The following CNTN4 variants were observed in gnomAD, a reference collection of about 807,000 sequenced individuals.
CNTN4 encodes the protein contactin 4.
CNTN4 carries 77 observed loss-of-function variants against 122.5 expected under a neutral mutation model. The ratio of observed to expected loss-of-function variants is 0.63; its 90% CI spans 0.52 to 0.76. The LOEUF is 0.76. Among genes scored for constraint, CNTN4 ranks in the 30% least tolerant of loss-of-function variants. CNTN4 has a pLI of 0.00. For missense variants in CNTN4, 1,256 were observed against 1,259.1 expected (o/e 1.00, Z 0.04); for synonymous variants, 512 against 447.0 (o/e 1.15, Z -1.83).
At chr3:2,982,921 AT>A (rs1694163331) in intron 13 of CNTN4, among the ~76,000 whole-genome samples, 1 of 151,962 alleles carries the variant, frequency 6.6e-6, no homozygotes, top group Non-Finnish European at 1.5e-5. Flanking sequence ...ACTAAAAAAA[AT>A]AGCACAAAGC....
chr3:2,583,030 A>C (rs2080017209), intron 4 of CNTN4, among the ~76,000 whole-genome samples: 2 of 152,324 alleles, frequency 1.3e-5, no homozygotes, highest in South Asian at 4.1e-4. Flanking sequence ...AAGAGACAAA[A>C]ATCAATCTAA....
chr3:2,292,908 C>T lies in CNTN4; in HGVS notation c.-144-46270C>T, dbSNP rs553552382. On this transcript the variant is annotated intron_variant, in intron 2 of 24. Transcript: ENST00000418658. The stretch of plus-strand genomic sequence containing the variant: ...TTGTTGTGGACATATGCACTCATTT[C>T]TATAGGAGTAAAACTGCTGAATGAT... Among the ~76,000 whole-genome samples, 8 of 152,318 alleles carry T rather than the reference C, an allele frequency of 5.3e-5. No homozygotes were observed. The East Asian group carries it at 1.5e-3, about 29-fold the overall frequency.
chr3:2,556,381 A>G (rs2078720801), intron 3 of CNTN4, among the ~76,000 whole-genome samples: 1 of 152,220 alleles, frequency 6.6e-6, no homozygotes, highest in Non-Finnish European at 1.5e-5. Context: ...TGGTTTACTT[A>G]CAAACGCATG....
At chr3:2,690,686 A>C (rs1422491958) in intron 4 of CNTN4, among the ~76,000 whole-genome samples, 1 of 152,148 alleles carries the variant, frequency 6.6e-6, no homozygotes, top group African/African-American at 2.4e-5. Context: ...AAATCCTGAC[A>C]GTTGTCTGTT....
chr3:2,756,583 G>A (rs1175040326), intron 6 of CNTN4, among the ~76,000 whole-genome samples: 1 of 152,216 alleles, frequency 6.6e-6, no homozygotes, highest in Non-Finnish European at 1.5e-5. Context: ...AACTGTGAAA[G>A]TGACCTTATT....
chr3:2,349,751 G>A (rs895525852), intron 3 of CNTN4, among the ~76,000 whole-genome samples: 20 of 152,186 alleles, frequency 1.3e-4, no homozygotes, highest in Admixed American at 9.2e-4. Context: ...ATCTTACCCA[G>A]TGGAGACATA....
intron 2 of CNTN4, among the ~76,000 whole-genome samples, chr3:2,169,438 G>A (rs1021639721): frequency 4.9e-5 from 7 of 143,108 alleles, no homozygotes; most frequent in Non-Finnish European, 1.1e-4. Flanking sequence ...ACGGAGTCTG[G>A]CTCTGTCACT....
At chr3:2,326,311 GTCAGCCT>G (rs1425686565) in intron 2 of CNTN4, among the ~76,000 whole-genome samples, 2 of 152,126 alleles carry the variant, frequency 1.3e-5, no homozygotes, top group African/African-American at 4.8e-5. Flanking sequence ...TCTCACACCT[GTCAGCCT>G]TCAGACTGGA....
intron 3 of CNTN4, among the ~76,000 whole-genome samples, chr3:2,368,669 TA>T (rs34186285): frequency 5.3e-5 from 8 of 151,244 alleles, no homozygotes; most frequent in Admixed American, 6.6e-5. Flanking sequence ...TCTTAAATAA[TA>T]AAAAAAAACT....
intron 3 of CNTN4, among the ~76,000 whole-genome samples, chr3:2,546,190 T>C (rs1333754260): frequency 6.6e-6 from 1 of 152,024 alleles, no homozygotes; most frequent in Non-Finnish European, 1.5e-5. Context: ...TGAATATAAA[T>C]CATTCTGCCC....
At chr3:2,482,277 G>A (rs2076027161) in intron 3 of CNTN4, among the ~76,000 whole-genome samples, 1 of 152,094 alleles carries the variant, frequency 6.6e-6, no homozygotes, top group Non-Finnish European at 1.5e-5. Flanking sequence ...CAAAGAGACT[G>A]GCAGCATTTT....
chr3:2,120,405 A>ATATATATATATATATATATATATATATT (rs1428527983), intron 2 of CNTN4, among the ~76,000 whole-genome samples: 2 of 40,878 alleles, frequency 4.9e-5, no homozygotes, highest in Non-Finnish European at 8.5e-5. Context: ...ATATATATAT[A>ATATATATATATATATATATATATATATT]TTTTTTTTTT....
At chr3:2,508,543 T>C (rs2076797164) in intron 3 of CNTN4, among the ~76,000 whole-genome samples, 1 of 152,174 alleles carries the variant, frequency 6.6e-6, no homozygotes, top group Non-Finnish European at 1.5e-5. Context: ...TTGGTGAATC[T>C]TGTGTAATGG....
chr3:2,789,273 C>T (rs2091932817), intron 6 of CNTN4, among the ~76,000 whole-genome samples: 1 of 152,194 alleles, frequency 6.6e-6, no homozygotes, highest in South Asian at 2.1e-4. Flanking sequence ...ACCTGTAAAA[C>T]AGTAATTCCT....
intron 3 of CNTN4, among the ~76,000 whole-genome samples, chr3:2,487,881 A>T (rs2076207642): frequency 1.3e-5 from 2 of 152,348 alleles, no homozygotes; most frequent in Admixed American, 6.5e-5. Context: ...ACATGTACCA[A>T]TAAGTTATAT....
chr3:2,115,074 G>A (rs1160109523), intron 2 of CNTN4, among the ~76,000 whole-genome samples: 4 of 152,128 alleles, frequency 2.6e-5, no homozygotes, highest in African/African-American at 9.7e-5. Context: ...CTCCTAATAG[G>A]CAGTGGACCA....
At chr3:2,359,217 G>A (rs1196374963) in intron 3 of CNTN4, among the ~76,000 whole-genome samples, 2 of 152,080 alleles carry the variant, frequency 1.3e-5, no homozygotes, top group Non-Finnish European at 2.9e-5. Context: ...TTAGCTGGAT[G>A]TGAGTCTACA....
intron 4 of CNTN4, among the ~76,000 whole-genome samples, chr3:2,645,257 G>C (rs2083069219): frequency 6.6e-6 from 1 of 152,060 alleles, no homozygotes; most frequent in Non-Finnish European, 1.5e-5. Context: ...TTATGTTCTA[G>C]AAACCTGATA....
chr3:2,600,145 A>G (rs1054377355), intron 4 of CNTN4, among the ~76,000 whole-genome samples: 3 of 151,040 alleles, frequency 2.0e-5, no homozygotes, highest in African/African-American at 7.3e-5. Flanking sequence ...TTTTGCCCCA[A>G]ACTACTCTCT....
Sources: allele counts gnomAD v4.1 joint callset (sites outside exome capture counted in the v4.1 genomes callset), GRCh38; gene constraint gnomAD v4.1.1; transcripts MANE v1.5; gene names NCBI Gene and HGNC (gene_info 2026-07-23, HGNC 2026-07-21).